The following HCN1 variants were observed in gnomAD, a reference collection of about 807,000 sequenced individuals.
The protein encoded by HCN1 is hyperpolarization activated cyclic nucleotide gated potassium channel 1, also known as potassium/sodium hyperpolarization-activated cyclic nucleotide-gated channel 1.
Under a neutral mutation model 78.9 loss-of-function variants are expected in HCN1, and 13 were observed. The observed-to-expected ratio is 0.16, with a 90% CI of 0.11 to 0.26. HCN1 has a LOEUF of 0.26. Among genes scored for constraint, HCN1 ranks in the 10% least tolerant of loss-of-function variants. The pLI is 1.00. For missense variants in HCN1, 810 were observed against 1,154.3 expected, an observed-to-expected ratio of 0.70 and a Z score of 4.32; for synonymous variants, 552 against 455.5, an observed-to-expected ratio of 1.21 and a Z score of -2.70.
chr5:45,508,072 G>A (rs1742343453), intron 2 of HCN1, among the ~76,000 whole-genome samples: 1 of 151,980 alleles, frequency 6.6e-6, no homozygotes, highest in Admixed American at 6.6e-5. Context: ...CAAAAGCACT[G>A]AAAATTAAAG....
At chr5:45,678,988 G>A (rs1408973985) in intron 1 of HCN1, among the ~76,000 whole-genome samples, 2 of 151,834 alleles carry the variant, frequency 1.3e-5, no homozygotes, top group East Asian at 3.9e-4. Flanking sequence ...TTTCCCACTG[G>A]AGAATATCAC....
intron 2 of HCN1, among the ~76,000 whole-genome samples, chr5:45,600,285 GATTA>G (rs1433504943): frequency 1.3e-5 from 2 of 151,812 alleles, no homozygotes; most frequent in Non-Finnish European, 2.9e-5. Flanking sequence ...TAAAATATTT[GATTA>G]ATTGACCCCA....
chr5:45,359,334 T>C (rs1278087743), intron 4 of HCN1, among the ~76,000 whole-genome samples: 1 of 151,482 alleles, frequency 6.6e-6, no homozygotes, highest in African/African-American at 2.4e-5. Context: ...AAGTTCATGA[T>C]TCTATCCCCA....
chr5:45,559,191 G>T (rs1210164601), intron 2 of HCN1: 1 of 151,892 alleles, frequency 6.6e-6, no homozygotes, highest in Non-Finnish European at 1.5e-5. Flanking sequence ...TCGCCCAAGA[G>T]CTCTGATGGA....
At position 45,369,415 on chromosome 5, in the gene HCN1, T is replaced by C. The variant is rs532165373; in HGVS notation, c.1231-16169A>G. Among the ~76,000 whole-genome samples the C allele has an allele frequency of 2.0e-5, 3 of 152,166 alleles. No individual in the cohort carries two copies. The South Asian group carries it at 6.2e-4, about 32-fold the overall frequency. ...TTTAAACTTTCCAAGTATTCCAATCTTAGATGGAAAGCCAAAATATTTCAA... is the reference window on the plus strand; with the variant it reads ...TTTAAACTTTCCAAGTATTCCAATCCTAGATGGAAAGCCAAAATATTTCAA... On this transcript the variant is annotated intron_variant, in intron 4 of 7. Transcript: ENST00000303230.
At chr5:45,457,137 T>A (rs146492887) in intron 3 of HCN1, among the ~76,000 whole-genome samples, 67 of 152,222 alleles carry the variant, frequency 4.4e-4, no homozygotes, top group African/African-American at 1.5e-3. Flanking sequence ...GAAAGATTGC[T>A]CTAGGAATGT....
chr5:45,654,098 A>T (rs192377891), intron 1 of HCN1, among the ~76,000 whole-genome samples: 18 of 152,198 alleles, frequency 1.2e-4, no homozygotes, highest in African/African-American at 3.9e-4. Flanking sequence ...GGGGACTTAT[A>T]TTGCATCATT....
chr5:45,374,688 CA>C (rs1378928400), intron 4 of HCN1, among the ~76,000 whole-genome samples: 3 of 148,610 alleles, frequency 2.0e-5, no homozygotes, highest in African/African-American at 7.4e-5. Context: ...GCAGAGACAA[CA>C]AAAAAAGAAA....
chr5:45,484,071 T>C (rs1579922899), intron 2 of HCN1, among the ~76,000 whole-genome samples: 1 of 152,198 alleles, frequency 6.6e-6, no homozygotes, highest in Non-Finnish European at 1.5e-5. Context: ...GGCTTTGTTC[T>C]TTCTGCTTAG....
At chr5:45,587,657 C>A (rs1243596685) in intron 2 of HCN1, among the ~76,000 whole-genome samples, 1 of 151,866 alleles carries the variant, frequency 6.6e-6, no homozygotes, top group Non-Finnish European at 1.5e-5. Flanking sequence ...ATGTAACAAA[C>A]CTGCACGTTG....
At chr5:45,537,523 CTT>C (rs71000638) in intron 2 of HCN1, among the ~76,000 whole-genome samples, 6 of 25,764 alleles carry the variant, frequency 2.3e-4, no homozygotes, top group African/African-American at 9.8e-4. Flanking sequence ...AACTCTAAGT[CTT>C]TTTTTTTTTT....
intron 3 of HCN1, among the ~76,000 whole-genome samples, chr5:45,421,057 C>G (rs1740216088): frequency 6.6e-6 from 1 of 151,928 alleles, no homozygotes; most frequent in Non-Finnish European, 1.5e-5. Flanking sequence ...TTCTCTCTTT[C>G]TCTCTTTCTT....
chr5:45,661,134 C>A (rs1392939499), intron 1 of HCN1, among the ~76,000 whole-genome samples: 1 of 148,278 alleles, frequency 6.7e-6, no homozygotes, highest in Non-Finnish European at 1.5e-5. Flanking sequence ...CAAACTAGAA[C>A]TCAGGATTAA....
At chr5:45,354,291 G>A (rs1439638212) in intron 4 of HCN1, among the ~76,000 whole-genome samples, 2 of 151,654 alleles carry the variant, frequency 1.3e-5, no homozygotes, top group Non-Finnish European at 2.9e-5. Context: ...GGGGTCATAA[G>A]ACCACACACT....
intron 5 of HCN1, among the ~76,000 whole-genome samples, chr5:45,333,664 A>G: frequency 6.6e-6 from 1 of 151,784 alleles, no homozygotes; most frequent in Admixed American, 6.6e-5. Context: ...ATTTTTGTAT[A>G]TGGCTAGAGA....
At position 45,613,513 on chromosome 5, in the gene HCN1, G is replaced by A. The variant is rs942117899; in HGVS notation, c.849+31672C>T. 2.0e-5 allele frequency among the ~76,000 whole-genome samples: 3 copies of A among 151,924 alleles called. No individual in the cohort carries two copies. In the South Asian group the frequency reaches 6.2e-4, roughly 32 times the overall value. ...AAATAGGAACACTTTTACACTGTTG[G>A]TGGGACTGTAAACTAGTTCAACCAT... On this transcript the variant is annotated intron_variant, in intron 2 of 7. Coordinates refer to ENST00000303230, the MANE Select transcript of HCN1 (RefSeq NM_021072.4).
intron 2 of HCN1, among the ~76,000 whole-genome samples, chr5:45,614,007 T>C (rs893709137): frequency 6.6e-6 from 1 of 152,096 alleles, no homozygotes. Context: ...TATTTAGCCT[T>C]AGGTTTATTC....
At chr5:45,606,357 A>G (rs114692515) in intron 2 of HCN1, among the ~76,000 whole-genome samples, 9 of 152,166 alleles carry the variant, frequency 5.9e-5, no homozygotes, top group African/African-American at 2.2e-4. Flanking sequence ...TAAAACAAAA[A>G]AAGAAAAAAT....
chr5:45,459,397 C>A (rs1316364660), intron 3 of HCN1, among the ~76,000 whole-genome samples: 1 of 134,356 alleles, frequency 7.4e-6, no homozygotes, highest in Non-Finnish European at 1.6e-5. Context: ...TGTAAATCTG[C>A]AGCCAAAAAA....
Sources: gnomAD v4.1 joint callset for allele counts (sites outside exome capture counted in the v4.1 genomes callset) on GRCh38, gnomAD v4.1.1 for gene constraint, MANE v1.5 for transcripts, NCBI Gene and HGNC (gene_info 2026-07-23, HGNC 2026-07-21) for gene names.